GPAT3: variants seen among roughly 807,000 people sequenced by gnomAD.
GPAT3 encodes glycerol-3-phosphate acyltransferase 3.
Under a neutral mutation model 58.8 loss-of-function variants are expected in GPAT3, and 53 were observed. That is an observed-to-expected ratio of 0.90 (90% CI 0.72 to 1.13). The LOEUF (loss-of-function observed/expected upper bound fraction) is 1.13, where lower values mean the gene tolerates loss of function less well. Among genes scored for constraint, GPAT3 ranks in the 50% most tolerant of loss-of-function variants. The probability of loss-of-function intolerance (pLI) is 0.00; values close to 1 mark genes in which losing one functional copy is unlikely to be tolerated. For missense variants in GPAT3, 511 were observed against 527.6 expected, an observed-to-expected ratio of 0.97 and a Z score of 0.31; for synonymous variants, 197 against 187.4, an observed-to-expected ratio of 1.05 and a Z score of -0.42.
At chr4:83,597,367 A>G in intron 8 of GPAT3, 63 bp from the exon 9 acceptor site, 1 of 890,908 alleles carries the variant, frequency 1.1e-6, no homozygotes, top group South Asian at 2.9e-5. Flanking sequence ...ATTTCTTTTA[A>G]AATTTATTTT....
chr4:83,598,537 G>A (rs1726933989), intron 10 of GPAT3, 107 bp from the exon 11 acceptor site: 1 of 981,172 alleles, frequency 1.0e-6, no homozygotes, highest in African/African-American at 1.6e-5. Flanking sequence ...AAGCATTTGA[G>A]CTGAAATATG....
chr4:83,552,574 A>T lies in GPAT3; in HGVS notation c.208+7972A>T, dbSNP rs942673005. ...GGGTGCTTAGATGAGCAGCAGGATTAGCAGATGGTGGAAGAGGAGGCAGGT... is the reference window on the plus strand; with the variant it reads ...GGGTGCTTAGATGAGCAGCAGGATTTGCAGATGGTGGAAGAGGAGGCAGGT... On this transcript the variant is annotated intron_variant, in intron 2 of 11. Transcript: ENST00000264409. Among the ~76,000 whole-genome samples, 5 of 152,220 alleles carry T rather than the reference A, an allele frequency of 3.3e-5. No homozygotes were observed. The South Asian group carries it at 8.3e-4, about 25-fold the overall frequency.
chr4:83,567,058 ATAATTATTT>A (rs1725424240), intron 2 of GPAT3, among the ~76,000 whole-genome samples: 1 of 152,198 alleles, frequency 6.6e-6, no homozygotes, highest in Non-Finnish European at 1.5e-5. Context: ...GTTCAGATAT[ATAATTATTT>A]TATCTTCAGA....
chr4:83,556,299 A>G (rs1379739739), intron 2 of GPAT3, among the ~76,000 whole-genome samples: 9 of 152,124 alleles, frequency 5.9e-5, no homozygotes, highest in Admixed American at 5.9e-4. Flanking sequence ...CTCTGTTAAG[A>G]CCATTCTGGC....
At chr4:83,559,280 C>A (rs1296800807) in intron 2 of GPAT3, among the ~76,000 whole-genome samples, 1 of 152,076 alleles carries the variant, frequency 6.6e-6, no homozygotes, top group Non-Finnish European at 1.5e-5. Context: ...ATGGGACTAT[C>A]TCATGTGGAT....
At chr4:83,546,573 A>G (rs1351863387) in intron 2 of GPAT3, among the ~76,000 whole-genome samples, 1 of 152,114 alleles carries the variant, frequency 6.6e-6, no homozygotes, top group Non-Finnish European at 1.5e-5. Context: ...TTTTAGAGTA[A>G]TGCTGATACC....
chr4:83,548,487 T>TA lies in GPAT3; in HGVS notation c.208+3887dup, dbSNP rs1253537315. ...TAGTGACTCAAGATGAATTGTACTCTAATTGCATTATGACACTAGGACATT... is the reference window on the plus strand; with the variant it reads ...TAGTGACTCAAGATGAATTGTACTCTAAATTGCATTATGACACTAGGACATT... On this transcript the variant is annotated intron_variant, in intron 2 of 11. Coordinates refer to ENST00000264409, the MANE Select transcript of GPAT3 (RefSeq NM_032717.5). Among the ~76,000 whole-genome samples the TA allele has an allele frequency of 2.6e-5, 4 of 152,316 alleles. No homozygotes were observed. The East Asian group carries it at 7.7e-4, about 29-fold the overall frequency.
chr4:83,571,605 A>G (rs190244670), intron 2 of GPAT3, among the ~76,000 whole-genome samples: 104 of 151,780 alleles, frequency 6.9e-4, no homozygotes, highest in Admixed American at 3.1e-3. Flanking sequence ...AATCAGCCAT[A>G]TGAAATACTT....
intron 3 of GPAT3, among the ~76,000 whole-genome samples, chr4:83,586,260 A>G (rs1016743957): frequency 6.6e-6 from 1 of 152,242 alleles, no homozygotes; most frequent in Non-Finnish European, 1.5e-5. Context: ...AAGTAAAGAT[A>G]GCTACGTGTC....
At chr4:83,556,994 G>A (rs1195682686) in intron 2 of GPAT3, among the ~76,000 whole-genome samples, 1 of 152,172 alleles carries the variant, frequency 6.6e-6, no homozygotes, top group African/African-American at 2.4e-5. Flanking sequence ...GATGACAGGA[G>A]TGAGGGATCT....
intron 6 of GPAT3, among the ~76,000 whole-genome samples, chr4:83,590,658 ACTT>A (rs1726561703): frequency 6.6e-6 from 1 of 152,168 alleles, no homozygotes; most frequent in South Asian, 2.1e-4. Context: ...CCAGCCAATT[ACTT>A]CTTTCTTCCT....
intron 6 of GPAT3, among the ~76,000 whole-genome samples, chr4:83,590,523 A>G (rs867155766): frequency 1.6e-4 from 25 of 152,262 alleles, no homozygotes; most frequent in Admixed American, 2.0e-4. Flanking sequence ...ACTGAAATGC[A>G]GACATTCTTG....
intron 6 of GPAT3, 35 bp downstream of exon 6, chr4:83,590,327 A>G (rs1486006827): frequency 5.0e-6 from 8 of 1,590,730 alleles, no homozygotes; most frequent in Middle Eastern, 1.7e-4. Flanking sequence ...AAGTAGTTGC[A>G]TGTTTTATGG....
intron 2 of GPAT3, among the ~76,000 whole-genome samples, chr4:83,563,263 C>T (rs1440020295): frequency 1.3e-5 from 2 of 151,982 alleles, no homozygotes; most frequent in African/African-American, 2.4e-5. Flanking sequence ...GTTTTAAAAA[C>T]GTTTTAATTT....
chr4:83,544,754 GTTTTCATGGACT>G, intron 2 of GPAT3, 152 bp downstream of exon 2: 1 of 704,152 alleles, frequency 1.4e-6, no homozygotes, highest in East Asian at 2.7e-5. Flanking sequence ...AGCTGCCAGA[GTTTTCATGGACT>G]TTTTATTGTA....
intron 2 of GPAT3, among the ~76,000 whole-genome samples, chr4:83,549,895 G>C (rs1228758318): frequency 6.6e-6 from 1 of 151,728 alleles, no homozygotes; most frequent in African/African-American, 2.4e-5. Context: ...GCTAATTTTT[G>C]TATTTTTAGT....
chr4:83,598,664 G>C lies in GPAT3; in HGVS notation c.1146G>C (p.Gln382His). 6.5e-7 allele frequency: 1 copy of C among 1,532,856 alleles called. No homozygotes were observed. Among genetic ancestry groups the C allele is most frequent in the Non-Finnish European group, 8.8e-7 (1 of 1,134,828 alleles). 95.0% of individuals were successfully genotyped at this position (1,532,856 alleles called of 1,614,324 possible). A position where few individuals can be genotyped will look rare whatever the true frequency, so the allele number is the denominator to read the frequency against. ...MTREEGEDAV[Q>H]FANRVKSAIA... ...ACCAGGAAGGAGAAGATGCAGTCCAGTTTGCTAACAGGGTTAAGTCTGCTA... is the reference window on the plus strand; with the variant it reads ...ACCAGGAAGGAGAAGATGCAGTCCACTTTGCTAACAGGGTTAAGTCTGCTA... Residue 382 changes from glutamine (Q) to histidine (H), a missense_variant, in exon 11 of 12, where the codon CAG becomes CAC. Transcript: ENST00000264409.
intron 2 of GPAT3, among the ~76,000 whole-genome samples, chr4:83,556,857 T>C (rs1018714764): frequency 6.6e-6 from 1 of 151,886 alleles, no homozygotes. Flanking sequence ...TATAACAAAA[T>C]ACCATAGAGT....
At chr4:83,540,520 G>A (rs1724260862) in intron 1 of GPAT3, among the ~76,000 whole-genome samples, 1 of 152,132 alleles carries the variant, frequency 6.6e-6, no homozygotes, top group Admixed American at 6.5e-5. Context: ...TTTATGGGGA[G>A]AAGCACTGGA....
Sources: allele counts gnomAD v4.1 joint callset (sites outside exome capture counted in the v4.1 genomes callset), GRCh38; gene constraint gnomAD v4.1.1; transcripts MANE v1.5; gene names NCBI Gene and HGNC (gene_info 2026-07-23, HGNC 2026-07-21).